Variants in TXNRD1 observed in about 807,000 individuals in gnomAD.
TXNRD1 encodes thioredoxin reductase 1, also known as thioredoxin reductase 1, cytoplasmic.
Under a neutral mutation model 80.3 loss-of-function variants are expected in TXNRD1, and 57 were observed. The ratio of observed to expected loss-of-function variants is 0.71; its 90% confidence interval spans 0.57 to 0.89. TXNRD1 has a LOEUF of 0.89. TXNRD1 is among the 40% of genes least tolerant of loss of function. The pLI is 0.00. For synonymous variants in TXNRD1, 291 were observed against 285.2 expected (o/e 1.02, Z -0.20); for missense variants, 730 against 803.0 (o/e 0.91, Z 1.10).
rs1005341554 is a variant in TXNRD1, at chr12:104,294,241, C to CA, written c.414+5201_414+5202insA. ...AACTCCCCCGGGGAAAGGCCCCCCC[C>CA]CCCGCCGCCGGCTTTCCCGGTCTGC... On this transcript the variant is annotated intron_variant, in intron 4 of 16. Coordinates refer to ENST00000525566, the MANE Select transcript of TXNRD1 (RefSeq NM_001093771.3). Among the ~76,000 whole-genome samples the CA allele has an allele frequency of 1.4e-4, 17 of 124,804 alleles. 3 individuals are homozygous for CA. The highest frequency in any genetic ancestry group is 3.4e-4 in the East Asian group (1 of 2,960). The allele number at this position is 124,804 out of a possible 152,430, so 81.9% of individuals were successfully genotyped here. A position where few individuals can be genotyped will look rare whatever the true frequency, so the allele number is the denominator to read the frequency against.
At chr12:104,255,510 T>A (rs2033228718) in intron 2 of TXNRD1, among the ~76,000 whole-genome samples, 1 of 152,086 alleles carries the variant, frequency 6.6e-6, no homozygotes, top group Admixed American at 6.6e-5. Flanking sequence ...TATTTAAACA[T>A]ACAGTTGCCC....
At chr12:104,301,411 CA>C in intron 4 of TXNRD1, among the ~76,000 whole-genome samples, 1 of 152,238 alleles carries the variant, frequency 6.6e-6, no homozygotes, top group Non-Finnish European at 1.5e-5. Flanking sequence ...GATCTTGGCT[CA>C]CTGCAAGCTC....
At chr12:104,254,246 G>C (rs78588235) in intron 2 of TXNRD1, among the ~76,000 whole-genome samples, 5,382 of 152,180 alleles carry the variant, frequency 0.035, 257 homozygotes, top group African/African-American at 0.11. Flanking sequence ...ACATACCTGA[G>C]ACATAGTAAA....
At position 104,339,383 on chromosome 12, in the gene TXNRD1, C is replaced by T. The variant is rs753914904; in HGVS notation, c.1881+110C>T. The T allele has an allele frequency of 4.1e-6, 6 of 1,468,472 alleles. No homozygotes were observed. In the Admixed American group the frequency reaches 8.4e-5, roughly 20 times the overall value. The allele number at this position is 1,468,472 out of a possible 1,614,324, so 91.0% of individuals were successfully genotyped here. ...AGGACCCTGAGTTTGATGATGATTC[C>T]TCAAAAGAGGGCTTTGTCTCTAAAA... On this transcript the variant is annotated intron_variant, in intron 16 of 16. Transcript: ENST00000525566.
Position 104,264,381 on chromosome 12 carries a change from C to CGAT in TXNRD1, c.304+6305_304+6307dup, listed in dbSNP as rs139943032. ...AACTGGCAAGGCCTGGGGCAGAGAA[C>CGAT]GATGAGAGGTTAAGAGTTGAAAAGT... On this transcript the variant is annotated intron_variant, in intron 3 of 16. Coordinates refer to ENST00000525566, the MANE Select transcript of TXNRD1 (RefSeq NM_001093771.3). Among the ~76,000 whole-genome samples the CGAT allele has an allele frequency of 8.2e-3, 1,251 of 152,214 alleles. 12 individuals are homozygous for CGAT. The highest frequency in any genetic ancestry group is 0.012 in the Non-Finnish European group (828 of 68,024).
At chr12:104,325,998 G>T (rs751273135) in intron 11 of TXNRD1, among the ~76,000 whole-genome samples, 4 of 151,978 alleles carry the variant, frequency 2.6e-5, no homozygotes, top group Non-Finnish European at 5.9e-5. Context: ...CAGAATTTCT[G>T]TCCCGTGTTC....
chr12:104,329,533 C>T (rs939134053), intron 13 of TXNRD1, among the ~76,000 whole-genome samples: 1 of 151,768 alleles, frequency 6.6e-6, no homozygotes, highest in Non-Finnish European at 1.5e-5. Flanking sequence ...CCTCTAGTCC[C>T]AGCTACACAG....
chr12:104,229,969 ACCATCATGT>A (rs1401556466), intron 1 of TXNRD1, among the ~76,000 whole-genome samples: 1 of 152,094 alleles, frequency 6.6e-6, no homozygotes, highest in Non-Finnish European at 1.5e-5. Context: ...AATGCTGAGA[ACCATCATGT>A]ACAAGTTTCA....
rs755285720 is a variant in TXNRD1, at chr12:104,288,937, G to A, written c.311G>A (p.Gly104Asp). 4 of 1,614,050 alleles carry A rather than the reference G, an allele frequency of 2.5e-6. No homozygotes were observed. Among genetic ancestry groups the A allele is most frequent in the South Asian group, 2.2e-5 (2 of 91,086 alleles). Residue 104 changes from glycine (G) to aspartate (D), a missense_variant, in exon 4 of 17, where the codon GGT becomes GAT. Transcript: ENST00000525566. ...FVLELDQTEDGRALEGTLSEL... is the reference protein window; with the variant it reads ...FVLELDQTEDDRALEGTLSEL... Reference sequence around the variant, plus strand: ...CTGCTTTTGTGCCACACAGAGGACGGTCGGGCCCTGGAAGGAACGCTCTCG... The same window carrying A: ...CTGCTTTTGTGCCACACAGAGGACGATCGGGCCCTGGAAGGAACGCTCTCG...
rs532593143 is a variant in TXNRD1 at position 104,254,153 on chromosome 12, C to T, written c.243+2475C>T. ...ACCTGTGGTGCCACAGTTTCCCCAT[C>T]TGTAAAATGTGGATGATAATAGTAT... On this transcript the variant is annotated intron_variant, in intron 2 of 16. Transcript: ENST00000525566. Among the ~76,000 whole-genome samples the T allele has an allele frequency of 8.5e-5, 13 of 152,174 alleles. No homozygotes were observed. In the East Asian group the frequency reaches 2.3e-3, roughly 27 times the overall value.
chr12:104,222,465 A>C (rs1012236519), intron 1 of TXNRD1, among the ~76,000 whole-genome samples: 6 of 152,260 alleles, frequency 3.9e-5, no homozygotes, highest in Admixed American at 6.5e-5. Context: ...TTAAAGGCAA[A>C]TTCAAGGACT....
intron 4 of TXNRD1, among the ~76,000 whole-genome samples, chr12:104,293,553 C>G (rs1320079166): frequency 6.6e-6 from 1 of 152,112 alleles, no homozygotes; most frequent in Non-Finnish European, 1.5e-5. Flanking sequence ...TGGGCTTAAC[C>G]CATCCTCCCA....
chr12:104,267,855 C>CCT (rs2033566571), intron 3 of TXNRD1, among the ~76,000 whole-genome samples: 1 of 127,076 alleles, frequency 7.9e-6, no homozygotes, highest in Non-Finnish European at 1.7e-5. Flanking sequence ...TCCTCTCTCT[C>CCT]TTTTTTTTTT....
intron 4 of TXNRD1, among the ~76,000 whole-genome samples, chr12:104,289,711 G>C (rs1304362912): frequency 2.0e-5 from 3 of 147,178 alleles, no homozygotes; most frequent in Admixed American, 1.4e-4. Flanking sequence ...CTTGGAGGCT[G>C]GGTGTATGTA....
intron 16 of TXNRD1, among the ~76,000 whole-genome samples, chr12:104,339,626 T>C (rs34015677): frequency 0.085 from 13,000 of 152,268 alleles, 685 homozygotes; most frequent in East Asian, 0.19. Flanking sequence ...TGATACTGTC[T>C]GCCTCTTCAG....
At chr12:104,309,795 C>A (rs1357979570) in intron 4 of TXNRD1, 1 of 1,533,194 alleles carries the variant, frequency 6.5e-7, no homozygotes, top group Non-Finnish European at 8.7e-7. Context: ...GCCATAATGC[C>A]AGTTGATGAC....
chr12:104,228,423 G>A (rs1183141678), intron 1 of TXNRD1, among the ~76,000 whole-genome samples: 2 of 151,958 alleles, frequency 1.3e-5, no homozygotes, highest in African/African-American at 4.8e-5. Context: ...CCTGAGGTTG[G>A]GAGTTTGAGA....
At chr12:104,333,125 G>A (rs565598035) in intron 14 of TXNRD1, among the ~76,000 whole-genome samples, 2 of 151,992 alleles carry the variant, frequency 1.3e-5, no homozygotes, top group South Asian at 4.2e-4. Flanking sequence ...AATTTGTTAA[G>A]CCATTCTTTG....
At chr12:104,251,456 C>T (rs1398244188) in intron 1 of TXNRD1, 71 bp from the exon 2 acceptor site, 1 of 1,496,088 alleles carries the variant, frequency 6.7e-7, no homozygotes, top group Non-Finnish European at 9.1e-7. Context: ...TTAGAGTGAA[C>T]CTAATATTAG....
Sources: allele counts gnomAD v4.1 joint callset (sites outside exome capture counted in the v4.1 genomes callset), GRCh38; gene constraint gnomAD v4.1.1; transcripts MANE v1.5; gene names NCBI Gene and HGNC (gene_info 2026-07-23, HGNC 2026-07-21).